Variants in ROBO2 observed in about 807,000 individuals in gnomAD.
The protein encoded by ROBO2 is roundabout homolog 2.
Under a neutral mutation model 160.8 loss-of-function variants are expected in ROBO2, and 53 were observed. The observed-to-expected ratio is 0.33, with a 90% CI of 0.26 to 0.41. The LOEUF (loss-of-function observed/expected upper bound fraction) is 0.41. Ranked by LOEUF, ROBO2 falls within the 10% of genes least tolerant of loss-of-function variation. ROBO2 has a pLI of 1.00. For missense variants in ROBO2, 1,577 were observed against 1,722.4 expected (o/e 0.92, Z 1.49); for synonymous variants, 664 against 611.7 (o/e 1.09, Z -1.26).
chr3:77,472,728 T>G (rs2083482239), intron 2 of ROBO2, among the ~76,000 whole-genome samples: 1 of 152,200 alleles, frequency 6.6e-6, no homozygotes. Context: ...AATGAAGTTT[T>G]AAAAATTCTA....
At chr3:77,473,060 G>T (rs572293779) in intron 2 of ROBO2, among the ~76,000 whole-genome samples, 2 of 151,958 alleles carry the variant, frequency 1.3e-5, no homozygotes, top group African/African-American at 4.8e-5. Context: ...GAGGGGTTCC[G>T]AGCGTATCTC....
intron 2 of ROBO2, among the ~76,000 whole-genome samples, chr3:77,288,071 G>A (rs2060735754): frequency 6.6e-6 from 1 of 152,132 alleles, no homozygotes; most frequent in Non-Finnish European, 1.5e-5. Flanking sequence ...TAGTTATTGG[G>A]TTTATTGAGG....
intron 16 of ROBO2, among the ~76,000 whole-genome samples, chr3:77,584,071 A>ATG (rs2093982766): frequency 6.6e-6 from 1 of 152,150 alleles, no homozygotes; most frequent in Admixed American, 6.5e-5. Context: ...TTGCATGCAC[A>ATG]GTTCAGGGTT....
chr3:76,200,596 A>AT (rs1702476781), intron 2 of ROBO2, among the ~76,000 whole-genome samples: 1 of 152,174 alleles, frequency 6.6e-6, no homozygotes, highest in East Asian at 1.9e-4. Context: ...AAGCAAAAGA[A>AT]TGTGGGGATG....
intron 2 of ROBO2, among the ~76,000 whole-genome samples, chr3:77,362,669 A>G (rs1028253143): frequency 3.3e-5 from 5 of 152,142 alleles, no homozygotes; most frequent in African/African-American, 1.2e-4. Flanking sequence ...TAGGCAAAGA[A>G]GAGTGTATCA....
chr3:76,137,550 T>A (rs1369641051), intron 2 of ROBO2, among the ~76,000 whole-genome samples: 1 of 151,990 alleles, frequency 6.6e-6, no homozygotes, highest in East Asian at 1.9e-4. Flanking sequence ...AAAATTAGAT[T>A]TGCTTCAGCC....
chr3:77,321,786 C>T (rs1210865024), intron 2 of ROBO2, among the ~76,000 whole-genome samples: 4 of 151,874 alleles, frequency 2.6e-5, no homozygotes, highest in East Asian at 1.9e-4. Flanking sequence ...GCAAGTGAAC[C>T]GAGAACTGTG....
At chr3:77,424,752 G>A (rs1229470863) in intron 2 of ROBO2, among the ~76,000 whole-genome samples, 5 of 151,990 alleles carry the variant, frequency 3.3e-5, no homozygotes, top group African/African-American at 9.7e-5. Context: ...TGAACACTGC[G>A]TGCCCGTGTA....
intron 2 of ROBO2, among the ~76,000 whole-genome samples, chr3:76,201,526 A>G (rs938681646): frequency 2.6e-5 from 4 of 152,200 alleles, no homozygotes; most frequent in African/African-American, 9.6e-5. Flanking sequence ...TTGTTGAACT[A>G]TGTCCCTGTG....
chr3:76,695,977 G>C (rs1037728394), intron 2 of ROBO2, among the ~76,000 whole-genome samples: 3 of 152,120 alleles, frequency 2.0e-5, no homozygotes, highest in African/African-American at 7.2e-5. Context: ...CTGCTTGGAT[G>C]GTCCACAGCC....
chr3:76,729,583 A>C (rs1264874947), intron 2 of ROBO2, among the ~76,000 whole-genome samples: 1 of 151,866 alleles, frequency 6.6e-6, no homozygotes, highest in Non-Finnish European at 1.5e-5. Flanking sequence ...AAACATTCTG[A>C]ATATGCCACT....
At chr3:76,829,775 T>C (rs2066916554) in intron 2 of ROBO2, among the ~76,000 whole-genome samples, 1 of 152,092 alleles carries the variant, frequency 6.6e-6, no homozygotes, top group Non-Finnish European at 1.5e-5. Context: ...TTCAAGCGAT[T>C]CTCCTGCCTC....
At position 76,058,145 on chromosome 3, in the gene ROBO2, G is replaced by A. The variant is rs138531498; in HGVS notation, c.109+120543G>A. ...ATACTTTCAGTTCTGGGACACATGTGCAGAATGTGCAGGTTTGTTACGTAG... is the reference window on the plus strand; with the variant it reads ...ATACTTTCAGTTCTGGGACACATGTACAGAATGTGCAGGTTTGTTACGTAG... On this transcript the variant is annotated intron_variant, in intron 2 of 26. Transcript: ENST00000487694. Among the ~76,000 whole-genome samples, 813 of 151,702 alleles carry A rather than the reference G, an allele frequency of 5.4e-3. 11 individuals carry two copies. The highest frequency in any genetic ancestry group is 0.019 in the African/African-American group (785 of 41,392).
At chr3:76,535,590 G>A (rs977161389) in intron 2 of ROBO2, among the ~76,000 whole-genome samples, 1 of 152,102 alleles carries the variant, frequency 6.6e-6, no homozygotes, top group African/African-American at 2.4e-5. Context: ...GGAATAGTCA[G>A]GGAAGCAGAT....
chr3:77,611,884 TATACTC>T (rs554352356), intron 21 of ROBO2, among the ~76,000 whole-genome samples: 251 of 152,312 alleles, frequency 1.6e-3, no homozygotes, highest in African/African-American at 5.8e-3. Flanking sequence ...TGCATTTTAT[TATACTC>T]ATATGATTCC....
At chr3:76,658,070 A>G (rs1418377812) in intron 2 of ROBO2, among the ~76,000 whole-genome samples, 20 of 6,320 alleles carry the variant, frequency 3.2e-3, no homozygotes, top group Non-Finnish European at 5.5e-3. Context: ...CTGTCTGAAT[A>G]AATAAATAAA....
chr3:76,495,956 C>T (rs2080126241), intron 2 of ROBO2, among the ~76,000 whole-genome samples: 1 of 152,108 alleles, frequency 6.6e-6, no homozygotes, highest in African/African-American at 2.4e-5. Context: ...TAATTAACAG[C>T]CATATTGTAC....
At chr3:76,795,476 A>G (rs9857888) in intron 2 of ROBO2, among the ~76,000 whole-genome samples, 50,149 of 152,030 alleles carry the variant, frequency 0.33, 9,652 homozygotes, top group Non-Finnish European at 0.43. Context: ...TCACAGCATC[A>G]TCACCAGAAG....
chr3:76,569,293 T>C (rs975361123), intron 2 of ROBO2, among the ~76,000 whole-genome samples: 1 of 152,114 alleles, frequency 6.6e-6, no homozygotes, highest in Non-Finnish European at 1.5e-5. Context: ...ATAGAACATA[T>C]ACATGTGGGC....
Sources: allele counts gnomAD v4.1 joint callset (sites outside exome capture counted in the v4.1 genomes callset), GRCh38; gene constraint gnomAD v4.1.1; transcripts MANE v1.5; gene names NCBI Gene and HGNC (gene_info 2026-07-23, HGNC 2026-07-21).